The following HS3ST5 variants were observed in gnomAD, a reference collection of about 807,000 sequenced individuals.
The protein encoded by HS3ST5 is heparan sulfate glucosamine 3-O-sulfotransferase 5.
In HS3ST5, 10 loss-of-function variants were observed where a neutral mutation model predicts 25.4. The observed-to-expected ratio is 0.39, with a 90% confidence interval of 0.24 to 0.67. The LOEUF is 0.67. Among genes scored for constraint, HS3ST5 ranks in the 30% least tolerant of loss-of-function variants. The pLI is 0.44. For missense variants in HS3ST5, 324 were observed against 420.7 expected (o/e 0.77, Z 2.01); for synonymous variants, 170 against 162.4 (o/e 1.05, Z -0.36).
At chr6:114,140,343 T>C (rs1777840884) in intron 3 of HS3ST5, among the ~76,000 whole-genome samples, 1 of 151,976 alleles carries the variant, frequency 6.6e-6, no homozygotes, top group Non-Finnish European at 1.5e-5. Flanking sequence ...TGATATAAAT[T>C]TTTTTTAACA....
At chr6:114,271,241 T>C (rs968574378) in intron 1 of HS3ST5, among the ~76,000 whole-genome samples, 1 of 152,128 alleles carries the variant, frequency 6.6e-6, no homozygotes, top group African/African-American at 2.4e-5. Context: ...TGTTTCTCAA[T>C]TGATCATGGA....
chr6:114,322,033 C>A (rs1219552407), intron 1 of HS3ST5, among the ~76,000 whole-genome samples: 1 of 152,046 alleles, frequency 6.6e-6, no homozygotes, highest in African/African-American at 2.4e-5. Flanking sequence ...TGGCTTTTTT[C>A]ATTTACACAG....
chr6:114,081,206 T>C (rs1774433644), intron 3 of HS3ST5, among the ~76,000 whole-genome samples: 1 of 152,098 alleles, frequency 6.6e-6, no homozygotes, highest in Non-Finnish European at 1.5e-5. Context: ...AGATCACTGA[T>C]CACAGATCAC....
intron 2 of HS3ST5, among the ~76,000 whole-genome samples, chr6:114,194,287 C>T (rs1181245704): frequency 2.0e-5 from 3 of 152,058 alleles, no homozygotes; most frequent in African/African-American, 7.2e-5. Context: ...TAATTATGAT[C>T]ACTTCGTAAA....
chr6:114,179,162 G>T (rs1337238820), intron 2 of HS3ST5: 1 of 152,150 alleles, frequency 6.6e-6, no homozygotes, highest in Admixed American at 6.5e-5. Context: ...ATGAAGGTAG[G>T]TTTTTAAACA....
chr6:114,108,020 G>A (rs1702499999), intron 3 of HS3ST5, among the ~76,000 whole-genome samples: 1 of 152,046 alleles, frequency 6.6e-6, no homozygotes, highest in South Asian at 2.1e-4. Context: ...AAATTCACAT[G>A]GGAAGGCAGA....
At chr6:114,098,998 T>C (rs747529113) in intron 3 of HS3ST5, among the ~76,000 whole-genome samples, 13 of 152,102 alleles carry the variant, frequency 8.5e-5, no homozygotes, top group Non-Finnish European at 1.6e-4. Flanking sequence ...AGATAATAAA[T>C]ATATACCCGA....
At chr6:114,295,481 T>A (rs1774777394) in intron 1 of HS3ST5, among the ~76,000 whole-genome samples, 1 of 152,160 alleles carries the variant, frequency 6.6e-6, no homozygotes, top group East Asian at 1.9e-4. Flanking sequence ...TACAGATGTA[T>A]CAGATAGGTA....
At chr6:114,339,620 G>A (rs1337440139) in intron 1 of HS3ST5, among the ~76,000 whole-genome samples, 3 of 152,126 alleles carry the variant, frequency 2.0e-5, no homozygotes, top group Non-Finnish European at 4.4e-5. Context: ...GAATACTAAT[G>A]ACAAATTCAG....
chr6:114,305,830 AACAG>A (rs1775265091), intron 1 of HS3ST5, among the ~76,000 whole-genome samples: 1 of 152,112 alleles, frequency 6.6e-6, no homozygotes, highest in East Asian at 1.9e-4. Flanking sequence ...AACACAATGA[AACAG>A]ACAAAGAGCA....
At chr6:114,276,611 G>GAA (rs11448440) in intron 1 of HS3ST5, among the ~76,000 whole-genome samples, 1,592 of 144,344 alleles carry the variant, frequency 0.011, 16 homozygotes, top group South Asian at 0.053. Flanking sequence ...GAGAGTGTGG[G>GAA]AAAAAAAAAA....
At chr6:114,332,680 A>T (rs1776450788) in intron 1 of HS3ST5, among the ~76,000 whole-genome samples, 1 of 152,114 alleles carries the variant, frequency 6.6e-6, no homozygotes, top group Non-Finnish European at 1.5e-5. Context: ...GAATAACATT[A>T]ACTCAATAGA....
chr6:114,155,083 G>A (rs1024839339), intron 3 of HS3ST5, among the ~76,000 whole-genome samples: 1 of 152,182 alleles, frequency 6.6e-6, no homozygotes. Flanking sequence ...AGTAGGAGGT[G>A]CTTGAGACGT....
chr6:114,329,850 T>C (rs904816703), intron 1 of HS3ST5, among the ~76,000 whole-genome samples: 26 of 152,226 alleles, frequency 1.7e-4, no homozygotes, highest in African/African-American at 6.3e-4. Flanking sequence ...GCTACTCTTC[T>C]GAATACAGTA....
At chr6:114,069,307 A>C (rs541362834) in intron 3 of HS3ST5, among the ~76,000 whole-genome samples, 12 of 152,140 alleles carry the variant, frequency 7.9e-5, no homozygotes, top group African/African-American at 2.9e-4. Flanking sequence ...TCATATGTTC[A>C]TATGTTCATA....
chr6:114,223,853 C>T (rs1782154970), intron 2 of HS3ST5, among the ~76,000 whole-genome samples: 1 of 151,556 alleles, frequency 6.6e-6, no homozygotes, highest in Non-Finnish European at 1.5e-5. Context: ...AAATATTTGG[C>T]TTCATAATAC....
chr6:114,322,686 A>G (rs1776015386), intron 1 of HS3ST5, among the ~76,000 whole-genome samples: 1 of 152,120 alleles, frequency 6.6e-6, no homozygotes, highest in South Asian at 2.1e-4. Flanking sequence ...GAAAATTCCT[A>G]AGAGCTTATT....
intron 2 of HS3ST5, among the ~76,000 whole-genome samples, chr6:114,202,162 TG>T (rs1781049616): frequency 6.6e-6 from 1 of 152,144 alleles, no homozygotes; most frequent in East Asian, 1.9e-4. Flanking sequence ...GAGTCACACC[TG>T]TAATCCTAGC....
chr6:114,315,118 C>G (rs1441411484), intron 1 of HS3ST5, among the ~76,000 whole-genome samples: 1 of 152,036 alleles, frequency 6.6e-6, no homozygotes, highest in African/African-American at 2.4e-5. Flanking sequence ...GCTTGGGTAA[C>G]ACAGGAAAAA....
Sources: gnomAD v4.1 joint callset for allele counts (sites outside exome capture counted in the v4.1 genomes callset) on GRCh38, gnomAD v4.1.1 for gene constraint, MANE v1.5 for transcripts, NCBI Gene and HGNC (gene_info 2026-07-23, HGNC 2026-07-21) for gene names.